The following PDE1C variants were observed in gnomAD, a reference collection of about 807,000 sequenced individuals.
PDE1C encodes the protein phosphodiesterase 1C.
A neutral mutation model predicts 93.1 loss-of-function variants in PDE1C; 62 were observed. The ratio of observed to expected loss-of-function variants is 0.67; its 90% CI spans 0.54 to 0.82. PDE1C has a LOEUF of 0.82. Ranked by LOEUF, PDE1C falls within the 40% of genes least tolerant of loss-of-function variation. The probability of loss-of-function intolerance (pLI) is 0.00; values close to 1 mark genes in which losing one functional copy is unlikely to be tolerated. For synonymous variants in PDE1C, 325 were observed against 310.1 expected, an observed-to-expected ratio of 1.05 and a Z score of -0.50; for missense variants, 742 against 884.6, an observed-to-expected ratio of 0.84 and a Z score of 2.04.
chr7:32,002,488 G>A (rs1401197782), intron 2 of PDE1C, among the ~76,000 whole-genome samples: 2 of 152,152 alleles, frequency 1.3e-5, no homozygotes, highest in African/African-American at 4.8e-5. Flanking sequence ...GGTGATCCAG[G>A]TACCTGTGAT....
chr7:32,427,985 G>C (rs1442983056), exon 1 of PDE1C: 1 of 152,278 alleles, frequency 6.6e-6, no homozygotes, highest in Non-Finnish European at 1.5e-5. Flanking sequence ...CCCCACGCCG[G>C]GGTCCCGGCC....
At chr7:31,863,905 C>A (rs1794968953) in intron 7 of PDE1C, among the ~76,000 whole-genome samples, 1 of 152,072 alleles carries the variant, frequency 6.6e-6, no homozygotes, top group Non-Finnish European at 1.5e-5. Context: ...AGCTCCAAAG[C>A]CCACAATCCT....
At chr7:32,415,928 G>T (rs1785267210) in intron 1 of PDE1C, among the ~76,000 whole-genome samples, 1 of 152,238 alleles carries the variant, frequency 6.6e-6, no homozygotes, top group African/African-American at 2.4e-5. Flanking sequence ...CTGGTTCTTA[G>T]GGAAAGGAGC....
intron 1 of PDE1C, among the ~76,000 whole-genome samples, chr7:32,401,176 G>GTGTGTAT (rs1784935555): frequency 6.6e-6 from 1 of 152,346 alleles, no homozygotes; most frequent in South Asian, 2.1e-4. Flanking sequence ...ATGTATGTAT[G>GTGTGTAT]TGTGTATTTA....
At chr7:32,181,227 TAGAC>T (rs1312161483) in intron 2 of PDE1C, among the ~76,000 whole-genome samples, 3 of 152,190 alleles carry the variant, frequency 2.0e-5, no homozygotes, top group Admixed American at 2.0e-4. Context: ...CTGTCAACAT[TAGAC>T]AGATCAACGA....
intron 1 of PDE1C, among the ~76,000 whole-genome samples, chr7:32,060,115 T>C (rs1393158637): frequency 6.6e-6 from 1 of 152,246 alleles, no homozygotes; most frequent in South Asian, 2.1e-4. Context: ...TCTATCCCTG[T>C]AATTAGGGGA....
At chr7:32,008,856 A>G (rs995669693) in intron 2 of PDE1C, among the ~76,000 whole-genome samples, 1 of 152,240 alleles carries the variant, frequency 6.6e-6, no homozygotes, top group Non-Finnish European at 1.5e-5. Flanking sequence ...AAGTTACAAA[A>G]GTTTGTTTAC....
intron 2 of PDE1C, among the ~76,000 whole-genome samples, chr7:31,971,905 AG>A (rs1811014258): frequency 6.6e-6 from 1 of 152,154 alleles, no homozygotes; most frequent in Non-Finnish European, 1.5e-5. Context: ...TCCAGGACTA[AG>A]GATGGTAATA....
chr7:31,713,199 G>C, the PDE1C span, among the ~76,000 whole-genome samples: 3 of 152,228 alleles, frequency 2.0e-5, no homozygotes, highest in African/African-American at 7.2e-5. Context: ...TGGGGATACA[G>C]GTATTGGGTA....
At position 32,042,725 on chromosome 7, in the gene PDE1C, T is replaced by C. The variant is rs536771385; in HGVS notation, c.128+8829A>G. Among the ~76,000 whole-genome samples the C allele has an allele frequency of 5.3e-5, 8 of 152,334 alleles. No homozygotes were observed. In the South Asian group the frequency reaches 1.7e-3, roughly 32 times the overall value. On this transcript the variant is annotated intron_variant, in intron 2 of 17. Coordinates refer to ENST00000396191, the MANE Select transcript of PDE1C (RefSeq NM_001191057.4). Reference sequence around the variant, plus strand: ...GACAATATATATGGGGTACAGACTATGTCACCTGCCCAGTGATCTCTGTGC... The same window carrying C: ...GACAATATATATGGGGTACAGACTACGTCACCTGCCCAGTGATCTCTGTGC...
chr7:31,914,740 A>G (rs1801665740), intron 2 of PDE1C, among the ~76,000 whole-genome samples: 1 of 152,198 alleles, frequency 6.6e-6, no homozygotes, highest in South Asian at 2.1e-4. Context: ...ATTATCTTGA[A>G]TTTTTTCTTC....
intron 12 of PDE1C, among the ~76,000 whole-genome samples, chr7:31,827,501 G>C (rs989072839): frequency 6.6e-6 from 1 of 152,062 alleles, no homozygotes; most frequent in African/African-American, 2.4e-5. Context: ...TAATGTCTTT[G>C]AGAGCAGGTA....
At chr7:31,714,918 A>G in the PDE1C span, among the ~76,000 whole-genome samples, 1 of 152,124 alleles carries the variant, frequency 6.6e-6, no homozygotes, top group Non-Finnish European at 1.5e-5. Context: ...GACCTCACAG[A>G]TGCTGAAGTT....
At chr7:31,909,959 G>C (rs946043449) in intron 2 of PDE1C, among the ~76,000 whole-genome samples, 1 of 152,104 alleles carries the variant, frequency 6.6e-6, no homozygotes, top group African/African-American at 2.4e-5. Context: ...CTCTACCCAC[G>C]AGATGCCAGT....
At chr7:31,924,921 T>C (rs2128966086) in intron 2 of PDE1C, among the ~76,000 whole-genome samples, 1 of 152,346 alleles carries the variant, frequency 6.6e-6, no homozygotes, top group South Asian at 2.1e-4. Flanking sequence ...CAGGTATCAA[T>C]GTATAATTCT....
chr7:32,021,175 C>T (rs879814670), intron 2 of PDE1C, among the ~76,000 whole-genome samples: 2 of 152,054 alleles, frequency 1.3e-5, no homozygotes, highest in African/African-American at 2.4e-5. Context: ...TAAAGACTGC[C>T]GAGCTCCTGT....
At chr7:31,709,061 G>A in the PDE1C span, among the ~76,000 whole-genome samples, 1 of 152,198 alleles carries the variant, frequency 6.6e-6, no homozygotes, top group Admixed American at 6.5e-5. Flanking sequence ...CAGCAGCAAT[G>A]TTTACAAAGG....
At chr7:31,962,241 T>G (rs1422966583) in intron 2 of PDE1C, among the ~76,000 whole-genome samples, 1 of 152,222 alleles carries the variant, frequency 6.6e-6, no homozygotes, top group Non-Finnish European at 1.5e-5. Context: ...ATTGCTACTG[T>G]TAAGACCTCT....
intron 2 of PDE1C, among the ~76,000 whole-genome samples, chr7:31,980,533 C>G (rs1392662696): frequency 6.6e-6 from 1 of 152,196 alleles, no homozygotes; most frequent in Non-Finnish European, 1.5e-5. Context: ...AGGAAATGAT[C>G]ACAAGCAGGT....
Sources: allele counts gnomAD v4.1 joint callset (sites outside exome capture counted in the v4.1 genomes callset), GRCh38; gene constraint gnomAD v4.1.1; transcripts MANE v1.5; gene names NCBI Gene and HGNC (gene_info 2026-07-23, HGNC 2026-07-21).